Variants in SDK1 observed in about 807,000 individuals in gnomAD.
SDK1 encodes the protein protein sidekick-1.
Under a neutral mutation model 245.5 loss-of-function variants are expected in SDK1, and 157 were observed. The ratio of observed to expected loss-of-function variants is 0.64; its 90% CI spans 0.56 to 0.73. SDK1 has a LOEUF of 0.73. Ranked by LOEUF, SDK1 falls within the 30% of genes least tolerant of loss-of-function variation. The pLI, the probability that SDK1 is intolerant of heterozygous loss-of-function variation, is 0.00. For missense variants in SDK1, 3,583 were observed against 3,002.3 expected (o/e 1.19, Z -4.52); for synonymous variants, 1,647 against 1,278.5 (o/e 1.29, Z -6.15).
rs191188747 is a variant in SDK1 at position 3,958,033 on chromosome 7, C to A, written c.1151-898C>A. ...CTTAGTTTTCATTTCTCTTTTTCAT[C>A]TTTTAGGTCCCACCTTGTTTTAAAG... On this transcript the variant is annotated intron_variant, in intron 7 of 44. Coordinates refer to ENST00000404826, the MANE Select transcript of SDK1 (RefSeq NM_152744.4). The A allele has an allele frequency of 5.9e-4, 278 of 470,644 alleles. 1 individual carries two copies. The highest frequency in any genetic ancestry group is 5.2e-3 in the African/African-American group (261 of 50,150). 29.2% of individuals were successfully genotyped at this position (470,644 alleles called of 1,614,324 possible). A position where few individuals can be genotyped will look rare whatever the true frequency, so the allele number is the denominator to read the frequency against.
At chr7:3,588,446 G>C (rs1246308135) in intron 1 of SDK1, among the ~76,000 whole-genome samples, 1 of 152,180 alleles carries the variant, frequency 6.6e-6, no homozygotes, top group Non-Finnish European at 1.5e-5. Context: ...TTCTGGTTCA[G>C]AAAATTCACC....
intron 4 of SDK1, among the ~76,000 whole-genome samples, chr7:3,649,721 G>T (rs1215733819): frequency 6.6e-6 from 1 of 152,154 alleles, no homozygotes; most frequent in East Asian, 1.9e-4. Context: ...CTAAGGCAGA[G>T]AGAGGCCAGC....
chr7:4,127,476 G>A lies in SDK1; in HGVS notation c.3919G>A (p.Gly1307Arg). 1 of 1,613,870 alleles carries A rather than the reference G, an allele frequency of 6.2e-7. No homozygotes were observed. The highest frequency in any genetic ancestry group is 8.5e-7 in the Non-Finnish European group (1 of 1,179,726). ...WTSVPEQDQN[G>R]LILGYKILFR... ...ATCCGTGCCGGAACAGGACCAGAAT[G>A]GGCTCATACTGGGCTACAAGGTGTG... Residue 1307 changes from glycine to arginine, a missense_variant, in exon 26 of 45, where the codon GGG becomes AGG. By Grantham distance (125) the Gly-to-Arg change is moderately radical. Transcript: ENST00000404826.
At chr7:3,830,916 A>G (rs190639141) in intron 5 of SDK1, among the ~76,000 whole-genome samples, 130 of 152,362 alleles carry the variant, frequency 8.5e-4, no homozygotes, top group African/African-American at 2.7e-3. Flanking sequence ...TTATGTAAAC[A>G]TAACATTTCA....
chr7:3,639,013 T>C lies in SDK1; in HGVS notation c.468T>C (p.Ile156=), dbSNP rs771988289. 8 of 1,596,932 alleles carry C rather than the reference T, an allele frequency of 5.0e-6. No homozygotes were observed. The East Asian group carries it at 1.8e-4, about 36-fold the overall frequency. The change falls in exon 3 of 45, where the codon ATT becomes ATC. Residue 156 remains isoleucine, a synonymous_variant. Coordinates refer to ENST00000404826, the MANE Select transcript of SDK1 (RefSeq NM_152744.4). ...TTYSSEYKYI[I]PSLQKLDAGF... ...TTTTGCTATTCAACAGGTACATTAT[T>C]CCATCTTTGCAGAAGCTCGATGCTG...
chr7:4,024,763 C>G (rs924315135), intron 17 of SDK1, among the ~76,000 whole-genome samples: 3 of 152,236 alleles, frequency 2.0e-5, no homozygotes, highest in African/African-American at 7.2e-5. Context: ...GGAGCCGAAA[C>G]TTAAGTCTGC....
intron 1 of SDK1, among the ~76,000 whole-genome samples, chr7:3,339,475 A>G (rs1335675430): frequency 1.3e-5 from 2 of 152,146 alleles, no homozygotes; most frequent in African/African-American, 4.8e-5. Context: ...CCGAAACAAT[A>G]GAATACCCTA....
rs181326548 is a variant in SDK1, at chr7:3,330,861, A to G, written c.298+28977A>G. Among the ~76,000 whole-genome samples, 27 of 149,528 alleles carry G rather than the reference A, an allele frequency of 1.8e-4. No homozygotes were observed. The East Asian group carries it at 5.1e-3, about 28-fold the overall frequency. ...TGGTGGTGTACCTGTAGTCCTATCT[A>G]CTTGGAAGGCTGAGTTGGGAGGATT... On this transcript the variant is annotated intron_variant, in intron 1 of 44. Transcript: ENST00000404826.
At chr7:4,175,008 G>A (rs1233231977) in intron 33 of SDK1, among the ~76,000 whole-genome samples, 2 of 152,220 alleles carry the variant, frequency 1.3e-5, no homozygotes, top group East Asian at 3.8e-4. Flanking sequence ...GAGTGAAGAA[G>A]CAGCTCCAGA....
chr7:4,212,885 T>A (rs571828622), intron 38 of SDK1, among the ~76,000 whole-genome samples: 14 of 152,320 alleles, frequency 9.2e-5, no homozygotes, highest in African/African-American at 3.1e-4. Context: ...AGTGACTGGT[T>A]CTGCTCCCCA....
intron 1 of SDK1, among the ~76,000 whole-genome samples, chr7:3,437,100 C>T (rs1043892635): frequency 2.6e-5 from 4 of 152,114 alleles, no homozygotes; most frequent in Non-Finnish European, 5.9e-5. Context: ...CACTAAAAGA[C>T]GATTAATACA....
chr7:3,923,164 A>G (rs1411163882), intron 5 of SDK1, among the ~76,000 whole-genome samples: 2 of 152,156 alleles, frequency 1.3e-5, no homozygotes, highest in Admixed American at 6.5e-5. Flanking sequence ...GAGTTATTTG[A>G]TTCAGATTCT....
In SDK1 at chr7:3,749,300, C is replaced by G. The variant is rs140761978; in HGVS notation, c.714-72150C>G. Among the ~76,000 whole-genome samples the G allele has an allele frequency of 2.6e-3, 390 of 152,178 alleles. 2 individuals are homozygous for G. Among genetic ancestry groups the G allele is most frequent in the African/African-American group, 9.1e-3 (376 of 41,514 alleles). ...TACAGGTGTGTGCCACCACGCCCAG[C>G]TAATTTTTTTCTTTTTTGAAATGGA... On this transcript the variant is annotated intron_variant, in intron 4 of 44. Transcript: ENST00000404826.
chr7:3,638,457 A>T (rs575824537), intron 2 of SDK1, among the ~76,000 whole-genome samples: 3 of 151,830 alleles, frequency 2.0e-5, no homozygotes, highest in African/African-American at 7.3e-5. Context: ...TGCAGCCATA[A>T]AAAATGATGA....
intron 1 of SDK1, among the ~76,000 whole-genome samples, chr7:3,595,384 T>G (rs1444664733): frequency 2.0e-5 from 3 of 152,134 alleles, no homozygotes; most frequent in Non-Finnish European, 4.4e-5. Context: ...AGCTACTGCA[T>G]GGATTATCTT....
At chr7:3,361,385 T>C (rs1780948077) in intron 1 of SDK1, among the ~76,000 whole-genome samples, 1 of 152,238 alleles carries the variant, frequency 6.6e-6, no homozygotes. Flanking sequence ...TCCACTTTCT[T>C]GTCCCACCTT....
chr7:3,464,715 T>TACAC (rs768563308), intron 1 of SDK1, among the ~76,000 whole-genome samples: 9 of 150,746 alleles, frequency 6.0e-5, no homozygotes, highest in African/African-American at 1.9e-4. Flanking sequence ...TATATATATA[T>TACAC]ACACACACAC....
intron 23 of SDK1, among the ~76,000 whole-genome samples, chr7:4,112,895 A>G (rs1783439976): frequency 6.6e-6 from 1 of 151,958 alleles, no homozygotes; most frequent in African/African-American, 2.4e-5. Context: ...CTGGGATTCC[A>G]GGCACCCGCC....
Position 3,741,827 on chromosome 7 carries a change from C to T in SDK1, c.714-79623C>T, listed in dbSNP as rs115467031. Among the ~76,000 whole-genome samples, 179 of 152,112 alleles carry T rather than the reference C, an allele frequency of 1.2e-3. 1 individual carries two copies. Among genetic ancestry groups the T allele is most frequent in the African/African-American group, 4.2e-3 (174 of 41,482 alleles). On this transcript the variant is annotated intron_variant, in intron 4 of 44. Transcript: ENST00000404826. ...AAACACACACATTCACACACACACA[C>T]ATAGATGCTTGTGTGTATATACGTG...
Sources: allele counts gnomAD v4.1 joint callset (sites outside exome capture counted in the v4.1 genomes callset), GRCh38; gene constraint gnomAD v4.1.1; transcripts MANE v1.5; gene names NCBI Gene and HGNC (gene_info 2026-07-23, HGNC 2026-07-21).